Variants in CLVS1 observed in about 807,000 individuals in gnomAD.
CLVS1 encodes clavesin-1.
CLVS1 carries 10 observed loss-of-function variants against 33.1 expected under a neutral mutation model. The ratio of observed to expected loss-of-function variants is 0.30; its 90% confidence interval spans 0.19 to 0.51. CLVS1 has a LOEUF of 0.51. Among genes scored for constraint, CLVS1 ranks in the 20% least tolerant of loss-of-function variants. The pLI is 0.97. For missense variants in CLVS1, 343 were observed against 433.4 expected (o/e 0.79, Z 1.85); for synonymous variants, 163 against 166.1 (o/e 0.98, Z 0.14).
At chr8:61,435,202 T>C (rs1816281047) in intron 3 of CLVS1, among the ~76,000 whole-genome samples, 1 of 152,116 alleles carries the variant, frequency 6.6e-6, no homozygotes. Flanking sequence ...ATATGGATCC[T>C]AGGTTTAGCA....
the CLVS1 span, among the ~76,000 whole-genome samples, chr8:61,012,805 C>T: frequency 6.6e-6 from 1 of 152,200 alleles, no homozygotes; most frequent in African/African-American, 2.4e-5. Context: ...TGTGGGCTAG[C>T]TTCTTCCTCC....
At chr8:61,004,974 CT>C in the CLVS1 span, among the ~76,000 whole-genome samples, 1 of 151,916 alleles carries the variant, frequency 6.6e-6, no homozygotes, top group Non-Finnish European at 1.5e-5. Flanking sequence ...AAACAAAACC[CT>C]CCTTCTTACC....
chr8:61,111,903 C>T (rs1805633931), intron 1 of CLVS1, among the ~76,000 whole-genome samples: 1 of 151,952 alleles, frequency 6.6e-6, no homozygotes, highest in Non-Finnish European at 1.5e-5. Flanking sequence ...TTTAATTTTT[C>T]CAGAAGATCT....
chr8:61,113,694 G>C (rs1448549498), intron 1 of CLVS1, among the ~76,000 whole-genome samples: 7 of 152,226 alleles, frequency 4.6e-5, no homozygotes, highest in Non-Finnish European at 1.0e-4. Flanking sequence ...GGATGGCTCT[G>C]CTTACGGCAC....
the CLVS1 span, among the ~76,000 whole-genome samples, chr8:61,042,060 A>T: frequency 6.6e-6 from 1 of 152,182 alleles, no homozygotes; most frequent in African/African-American, 2.4e-5. Context: ...CAAAGCTCCA[A>T]CCAGCTTGAA....
rs112541504 is a variant in CLVS1 at position 61,454,294 on chromosome 8, T to A, written c.741+43T>A. On this transcript the variant is annotated intron_variant, in intron 4 of 5. Transcript: ENST00000325897. ...ATCATGTAAATTCCTGGTACAATTT[T>A]GGTGCTTCTATTTTCTCTCTCCCCT... 3,380 of 1,422,726 alleles carry A rather than the reference T, an allele frequency of 2.4e-3. 64 individuals are homozygous for A. In the African/African-American group the frequency reaches 0.039, roughly 17 times the overall value. The allele number at this position is 1,422,726 out of a possible 1,614,324, so 88.1% of individuals were successfully genotyped here.
intron 2 of CLVS1, among the ~76,000 whole-genome samples, chr8:61,334,731 G>A (rs10094788): frequency 0.28 from 42,769 of 152,058 alleles, 7,654 homozygotes; most frequent in Non-Finnish European, 0.38. Flanking sequence ...AGCTGAGCTG[G>A]GTCTTAATGG....
At chr8:60,975,613 G>A in the CLVS1 span, among the ~76,000 whole-genome samples, 1 of 152,070 alleles carries the variant, frequency 6.6e-6, no homozygotes, top group Non-Finnish European at 1.5e-5. Context: ...AGGGACCATG[G>A]CCCTGCTGAC....
the CLVS1 span, among the ~76,000 whole-genome samples, chr8:61,040,466 A>G: frequency 2.6e-5 from 4 of 152,070 alleles, no homozygotes; most frequent in African/African-American, 4.8e-5. Context: ...TGTTATAAGC[A>G]TTTTCCTTTT....
intron 2 of CLVS1, among the ~76,000 whole-genome samples, chr8:61,275,693 G>A (rs908761644): frequency 3.3e-5 from 5 of 152,098 alleles, no homozygotes; most frequent in Non-Finnish European, 5.9e-5. Context: ...CTCATTTCGC[G>A]CAATGAAGAA....
At chr8:61,357,152 A>T (rs1210700096) in intron 2 of CLVS1, among the ~76,000 whole-genome samples, 1 of 152,140 alleles carries the variant, frequency 6.6e-6, no homozygotes, top group East Asian at 1.9e-4. Flanking sequence ...TTGGATTCCT[A>T]GGTATTTTAT....
chr8:61,382,170 C>G (rs1040842796), intron 3 of CLVS1, among the ~76,000 whole-genome samples: 1 of 152,112 alleles, frequency 6.6e-6, no homozygotes, highest in Non-Finnish European at 1.5e-5. Context: ...CATCAATGGG[C>G]AATGGTAGTT....
At chr8:61,457,002 A>T (rs1316253551) in intron 4 of CLVS1, among the ~76,000 whole-genome samples, 1 of 150,538 alleles carries the variant, frequency 6.6e-6, no homozygotes, top group Non-Finnish European at 1.5e-5. Flanking sequence ...CAGTGGCGTG[A>T]TCTCAGCCCA....
chr8:61,019,001 G>A, the CLVS1 span, among the ~76,000 whole-genome samples: 24 of 152,294 alleles, frequency 1.6e-4, no homozygotes, highest in African/African-American at 5.3e-4. Flanking sequence ...CCTGCTTCCC[G>A]TGAAATTGCC....
chr8:61,499,861 G>A lies in CLVS1; in HGVS notation c.*319G>A. 1 of 201,522 alleles carries A rather than the reference G, an allele frequency of 5.0e-6. No individual in the cohort carries two copies. The highest frequency in any genetic ancestry group is 1.0e-5 in the Non-Finnish European group (1 of 96,382). The allele number at this position is 201,522 out of a possible 1,614,324, so 12.5% of individuals were successfully genotyped here. On this transcript the variant is annotated 3_prime_UTR_variant, in exon 6 of 6. Transcript: ENST00000325897. ...AAAGACTAAATTTGATGGACACACT[G>A]CATTAGGACAAGAATTTTTCTGAGG...
At chr8:61,434,769 A>G (rs1017002778) in intron 3 of CLVS1, among the ~76,000 whole-genome samples, 9 of 152,174 alleles carry the variant, frequency 5.9e-5, no homozygotes, top group African/African-American at 2.2e-4. Flanking sequence ...CTTCACAGAG[A>G]GCACAGGTTG....
At chr8:61,315,836 C>T (rs535347780) in intron 2 of CLVS1, among the ~76,000 whole-genome samples, 2 of 152,196 alleles carry the variant, frequency 1.3e-5, no homozygotes, top group East Asian at 3.9e-4. Context: ...CCCATCAACC[C>T]ATCATCTACA....
At chr8:61,008,384 A>G in the CLVS1 span, among the ~76,000 whole-genome samples, 5 of 152,040 alleles carry the variant, frequency 3.3e-5, no homozygotes, top group Admixed American at 2.6e-4. Context: ...TTTTCTAAAA[A>G]ATGTGTTTTC....
At chr8:61,244,494 GT>G (rs1160935296) in intron 2 of CLVS1, among the ~76,000 whole-genome samples, 3 of 152,138 alleles carry the variant, frequency 2.0e-5, no homozygotes, top group African/African-American at 7.2e-5. Flanking sequence ...GTTAAGTCAA[GT>G]TTTAATGTTG....
Sources: gnomAD v4.1 joint callset for allele counts (sites outside exome capture counted in the v4.1 genomes callset) on GRCh38, gnomAD v4.1.1 for gene constraint, MANE v1.5 for transcripts, NCBI Gene and HGNC (gene_info 2026-07-23, HGNC 2026-07-21) for gene names.